The following CD209 variants were observed in gnomAD, a reference collection of about 807,000 sequenced individuals.
The protein encoded by CD209 is CD209 antigen.
Under a neutral mutation model 44.7 loss-of-function variants are expected in CD209, and 31 were observed. The observed-to-expected ratio is 0.69, with a 90% CI of 0.52 to 0.94. CD209 has a LOEUF of 0.94. Ranked by LOEUF, CD209 falls within the 40% of genes least tolerant of loss-of-function variation. The pLI, the probability that CD209 is intolerant of heterozygous loss-of-function variation, is 0.00. For missense variants in CD209, 407 were observed against 452.4 expected, an observed-to-expected ratio of 0.90 and a Z score of 0.91; for synonymous variants, 173 against 181.3, an observed-to-expected ratio of 0.95 and a Z score of 0.37.
intron 6 of CD209, 41 bp from the exon 7 acceptor site, chr19:7,743,281 G>A (rs1451307448): frequency 1.3e-6 from 2 of 1,531,640 alleles, no homozygotes; most frequent in Non-Finnish European, 1.8e-6. Flanking sequence ...GTCCCCGCCA[G>A]CTACATGAGC....
At chr19:7,747,088 T>G (rs1342933468) in intron 2 of CD209, among the ~76,000 whole-genome samples, 1 of 147,904 alleles carries the variant, frequency 6.8e-6, no homozygotes. Context: ...GGCTTCAACT[T>G]CTACCTCCCC....
rs11465368 is a variant in CD209, at chr19:7,747,454, A to G, written c.46+12T>C. 1.2e-3 allele frequency: 1,903 copies of G among 1,614,052 alleles called. 26 individuals are homozygous for G. In the African/African-American group the frequency reaches 0.022, roughly 19 times the overall value. The stretch of plus-strand genomic sequence containing the variant: ...CCCTTCCCAGAATCCCAGCGTCCCA[A>G]CCCAGCCTCACCCAGGAGGCCCAGC... On this transcript the variant is annotated intron_variant, in intron 1 of 6. Coordinates refer to ENST00000315599, the MANE Select transcript of CD209 (RefSeq NM_021155.4).
Position 7,743,064 on chromosome 19 carries a change from G to A in CD209, c.1190C>T (p.Ala397Val). 1 of 1,613,640 alleles carries A rather than the reference G, an allele frequency of 6.2e-7. No individual in the cohort carries two copies. The highest frequency in any genetic ancestry group is 8.5e-7 in the Non-Finnish European group (1 of 1,179,668). ...CTACGCAGGAGGGGGGTTTGGGGTG[G>A]CAGGGGCTGGAGAAAGAAACTGTTC... ...DEEQFLSPAP[A>V]TPNPPPA Residue 397 changes from alanine to valine, a missense_variant, in exon 7 of 7, where the codon GCC (alanine) becomes GTC (valine). By Grantham distance (64) the Ala-to-Val change is moderately conservative. Around this residue, in one of 3 missense-constraint regions of CD209, gnomAD observed 200 missense variants for 202.2 expected, o/e 0.99. Coordinates refer to ENST00000315599, the MANE Select transcript of CD209 (RefSeq NM_021155.4).
At position 7,740,888 on chromosome 19, in the gene CD209, C is replaced by T. The variant is rs143217457; in HGVS notation, c.*2151G>A. 5.0e-4 allele frequency: 365 copies of T among 733,216 alleles called. 1 individual carries two copies. The African/African-American group carries it at 5.8e-3, about 12-fold the overall frequency. 45.4% of individuals were successfully genotyped at this position (733,216 alleles called of 1,614,324 possible). On this transcript the variant is annotated 3_prime_UTR_variant, in exon 7 of 7. Transcript: ENST00000315599. Reference sequence around the variant, plus strand: ...AGGCTGAAAATGAGTTGGAAAATGGCGCCACATGGCAAAACCCGGAACCCC... The same window carrying T: ...AGGCTGAAAATGAGTTGGAAAATGGTGCCACATGGCAAAACCCGGAACCCC...
At chr19:7,743,449 T>C (rs1033191819) in intron 6 of CD209, among the ~76,000 whole-genome samples, 2 of 151,656 alleles carry the variant, frequency 1.3e-5, no homozygotes, top group Admixed American at 6.6e-5. Context: ...ACTCCACCTA[T>C]TGAGTGTGTG....
chr19:7,747,127 C>T (rs565014859), intron 2 of CD209, among the ~76,000 whole-genome samples, 179 bp downstream of exon 2: 1 of 151,910 alleles, frequency 6.6e-6, no homozygotes, highest in South Asian at 2.1e-4. Flanking sequence ...CCCCAGCCTC[C>T]ACCTTCCCAG....
chr19:7,746,835 T>C (rs1599485005), intron 2 of CD209, among the ~76,000 whole-genome samples: 2 of 116,042 alleles, frequency 1.7e-5, no homozygotes, highest in Middle Eastern at 0.01. Context: ...AGCTCCCACC[T>C]CCCCAGGACC....
rs2033753197 is a variant in CD209 at position 7,744,975 on chromosome 19, G to A, written c.866C>T (p.Ala289Val). ...DSITACKEVG[A>V]QLVVIKSAEE... The stretch of plus-strand genomic sequence containing the variant: ...AGCACTTTTGATTACGACGAGCTGG[G>A]CCCCCACTTCTTTGCAGGCGGTGAT... Residue 289 changes from alanine (A) to valine (V), a missense_variant, in exon 5 of 7, where the codon GCC becomes GTC. Coordinates refer to ENST00000315599, the MANE Select transcript of CD209 (RefSeq NM_021155.4). The A allele has an allele frequency of 6.2e-7, 1 of 1,614,086 alleles. No homozygotes were observed. Among genetic ancestry groups the A allele is most frequent in the Non-Finnish European group, 8.5e-7 (1 of 1,180,048 alleles).
Position 7,740,474 on chromosome 19 carries a change from G to A in CD209, c.*2565C>T, listed in dbSNP as rs1400656004. On this transcript the variant is annotated 3_prime_UTR_variant, in exon 7 of 7. Transcript: ENST00000315599. Reference sequence around the variant, plus strand: ...CCGGCAAGATGGCTGCGCCCGAAAAGGTGACATTTCCAGAGAAACCAAGCC... The same window carrying A: ...CCGGCAAGATGGCTGCGCCCGAAAAAGTGACATTTCCAGAGAAACCAAGCC... 4 of 871,622 alleles carry A rather than the reference G, an allele frequency of 4.6e-6. No individual in the cohort carries two copies. The highest frequency in any genetic ancestry group is 1.8e-5 in the Admixed American group (1 of 54,712). 54.0% of individuals were successfully genotyped at this position (871,622 alleles called of 1,614,324 possible). A position where few individuals can be genotyped will look rare whatever the true frequency, so the allele number is the denominator to read the frequency against.
chr19:7,744,751 A>C (rs1002651304), intron 5 of CD209, among the ~76,000 whole-genome samples, 190 bp downstream of exon 5: 13 of 152,214 alleles, frequency 8.5e-5, no homozygotes, highest in African/African-American at 2.7e-4. Flanking sequence ...TTTCCGGAGC[A>C]TTCACACATG....
chr19:7,743,021 A>G lies in CD209; in HGVS notation c.*18T>C, dbSNP rs754637180. 1 of 1,583,278 alleles carries G rather than the reference A, an allele frequency of 6.3e-7. No individual in the cohort carries two copies. Among genetic ancestry groups the G allele is most frequent in the Admixed American group, 1.7e-5 (1 of 59,914 alleles). ...GATGGAGAGAAGGAACTGTAGCTTAAAAGGGGGTGAAGTTCTGCTACGCAG... is the reference window on the plus strand; with the variant it reads ...GATGGAGAGAAGGAACTGTAGCTTAGAAGGGGGTGAAGTTCTGCTACGCAG... On this transcript the variant is annotated 3_prime_UTR_variant, in exon 7 of 7. Transcript: ENST00000315599.
At position 7,742,935 on chromosome 19, in the gene CD209, G is replaced by C; in HGVS notation, c.*104C>G. The C allele has an allele frequency of 1.1e-6, 1 of 951,268 alleles. No individual in the cohort carries two copies. The highest frequency in any genetic ancestry group is 1.7e-6 in the Non-Finnish European group (1 of 604,238). The allele number at this position is 951,268 out of a possible 1,614,324, so 58.9% of individuals were successfully genotyped here. On this transcript the variant is annotated 3_prime_UTR_variant, in exon 7 of 7. Transcript: ENST00000315599. ...GACAAGAAGGACAGAATGGGACCCA[G>C]CCTTCTAAAGGAGGAAGAATCTGAC...
chr19:7,744,202 C>A lies in CD209; in HGVS notation c.918G>T (p.Gln306His), dbSNP rs772080070. 1 of 1,613,942 alleles carries A rather than the reference C, an allele frequency of 6.2e-7. No individual in the cohort carries two copies. Among genetic ancestry groups the A allele is most frequent in the South Asian group, 1.1e-5 (1 of 91,078 alleles). Residue 306 changes from glutamine to histidine, a missense_variant, in exon 6 of 7, where the codon CAG (glutamine) becomes CAT (histidine). Physicochemically the swap from Gln to His is conservative, Grantham distance 24. Around this residue, in one of 3 missense-constraint regions of CD209, gnomAD observed 200 missense variants for 202.2 expected, o/e 0.99. Transcript: ENST00000315599. ...AGGTGAAGCGGTTACTTCTGGAAGACTGCAGCTGTAGGAAGTTCTGGAGGG... is the reference window on the plus strand; with the variant it reads ...AGGTGAAGCGGTTACTTCTGGAAGAATGCAGCTGTAGGAAGTTCTGGAGGG... ...SAEEQNFLQL[Q>H]SSRSNRFTWM... is the part of the protein sequence containing the mutation.
Position 7,740,820 on chromosome 19 carries a change from C to T in CD209, c.*2219G>A. On this transcript the variant is annotated 3_prime_UTR_variant, in exon 7 of 7. Coordinates refer to ENST00000315599, the MANE Select transcript of CD209 (RefSeq NM_021155.4). ...GAGAGAGGAGGAGGAACAGAAACGA[C>T]AGAAGAAACAAAAACCGGAAGCTGT... is the stretch of plus-strand genomic sequence containing the variant. 1.3e-6 allele frequency: 1 copy of T among 757,450 alleles called. No homozygotes were observed. The highest frequency in any genetic ancestry group is 1.4e-5 in the South Asian group (1 of 71,846). The allele number at this position is 757,450 out of a possible 1,614,324, so 46.9% of individuals were successfully genotyped here. A position where few individuals can be genotyped will look rare whatever the true frequency, so the allele number is the denominator to read the frequency against.
At chr19:7,745,231 C>T (rs1379679284) in intron 4 of CD209, 139 bp from the exon 5 acceptor site, 22 of 1,232,280 alleles carry the variant, frequency 1.8e-5, no homozygotes, top group South Asian at 7.5e-5. Flanking sequence ...CCCCACTTCC[C>T]GAGACCCTCC....
In CD209 at chr19:7,741,863, G is replaced by C; in HGVS notation, c.*1176C>G. The C allele has an allele frequency of 2.1e-6, 1 of 473,080 alleles. No individual in the cohort carries two copies. Among genetic ancestry groups the C allele is most frequent in the Non-Finnish European group, 4.1e-6 (1 of 241,866 alleles). The allele number at this position is 473,080 out of a possible 1,614,324, so 29.3% of individuals were successfully genotyped here. On this transcript the variant is annotated 3_prime_UTR_variant, in exon 7 of 7. Coordinates refer to ENST00000315599, the MANE Select transcript of CD209 (RefSeq NM_021155.4). The stretch of plus-strand genomic sequence containing the variant: ...TGGGCCACCACGATGAATACTACAG[G>C]CTGCGGGGAAGGAGAACCCTAGTCC...
At chr19:7,744,274 T>C in intron 5 of CD209, 55 bp from the exon 6 acceptor site, 1 of 1,306,744 alleles carries the variant, frequency 7.7e-7, no homozygotes, top group Non-Finnish European at 1.1e-6. Context: ...TTCCAGGCTC[T>C]GTCTCCCCAT....
In CD209 at chr19:7,741,118, G is replaced by A. The variant is rs560547049; in HGVS notation, c.*1921C>T. The A allele has an allele frequency of 9.5e-6, 10 of 1,055,632 alleles. No individual in the cohort carries two copies. The highest frequency in any genetic ancestry group is 2.1e-4 in the Middle Eastern group (1 of 4,754). 65.4% of individuals were successfully genotyped at this position (1,055,632 alleles called of 1,614,324 possible). A position where few individuals can be genotyped will look rare whatever the true frequency, so the allele number is the denominator to read the frequency against. On this transcript the variant is annotated 3_prime_UTR_variant, in exon 7 of 7. Coordinates refer to ENST00000315599, the MANE Select transcript of CD209 (RefSeq NM_021155.4). ...CTCCGAAGCAAGCCTGGAGTACAGC[G>A]AGGAAGAAACCTACCAACAGTTCCT...
rs1217685690 is a variant in CD209 at position 7,744,921 on chromosome 19, G to T, written c.900+20C>A. The T allele has an allele frequency of 6.2e-7, 1 of 1,613,842 alleles. No individual in the cohort carries two copies. On this transcript the variant is annotated intron_variant, in intron 5 of 6. Transcript: ENST00000315599. ...AGAAGCCATGCCCTAGGCCAGGACGGGGACCCCCACCAGGTGTACCTGCTC... is the reference window on the plus strand; with the variant it reads ...AGAAGCCATGCCCTAGGCCAGGACGTGGACCCCCACCAGGTGTACCTGCTC...
Sources: allele counts gnomAD v4.1 joint callset (sites outside exome capture counted in the v4.1 genomes callset), GRCh38; gene constraint gnomAD v4.1.1; regional missense constraint gnomAD v4.1.1; transcripts MANE v1.5; gene names NCBI Gene and HGNC (gene_info 2026-07-23, HGNC 2026-07-21).